The following SORCS1 variants were observed in gnomAD, a reference collection of about 807,000 sequenced individuals.
SORCS1 encodes the protein VPS10 domain-containing receptor SorCS1.
In SORCS1, 60 loss-of-function variants were observed where a neutral mutation model predicts 146.1. That is an observed-to-expected ratio of 0.41 (90% CI 0.33 to 0.51). SORCS1 has a LOEUF of 0.51. Ranked by LOEUF, SORCS1 falls within the 20% of genes least tolerant of loss-of-function variation. The pLI, the probability that SORCS1 is intolerant of heterozygous loss-of-function variation, is 0.21. For synonymous variants in SORCS1, 637 were observed against 584.0 expected (o/e 1.09, Z -1.31); for missense variants, 1,352 against 1,487.6 (o/e 0.91, Z 1.50).
At chr10:107,114,392 A>C (rs2134479944) in intron 1 of SORCS1, among the ~76,000 whole-genome samples, 1 of 152,328 alleles carries the variant, frequency 6.6e-6, no homozygotes, top group South Asian at 2.1e-4. Flanking sequence ...AATACTAGTG[A>C]AACAAACTCA....
At chr10:106,738,108 T>C (rs2756250) in intron 5 of SORCS1, among the ~76,000 whole-genome samples, 119,108 of 152,104 alleles carry the variant, frequency 0.78, 47,503 homozygotes, top group Non-Finnish European at 0.87. Context: ...TATACATAAA[T>C]GGGGAAGAAA....
At chr10:107,107,673 T>G (rs781694966) in intron 1 of SORCS1, among the ~76,000 whole-genome samples, 1 of 152,154 alleles carries the variant, frequency 6.6e-6, no homozygotes, top group Non-Finnish European at 1.5e-5. Flanking sequence ...TTGGATTAAT[T>G]TAGGAGGTTG....
At chr10:106,629,519 G>C (rs1158271374) in intron 18 of SORCS1, 131 bp from the exon 19 acceptor site, 3 of 809,574 alleles carry the variant, frequency 3.7e-6, no homozygotes, top group Non-Finnish European at 5.8e-6. Context: ...CCTACAGCTA[G>C]GAGCATCTGC....
intron 1 of SORCS1, among the ~76,000 whole-genome samples, chr10:106,993,577 A>G (rs1956862659): frequency 6.6e-6 from 1 of 152,182 alleles, no homozygotes; most frequent in Non-Finnish European, 1.5e-5. Context: ...TAAAAACTAG[A>G]TAGTATTTTA....
chr10:106,836,732 T>C (rs1327449595), intron 2 of SORCS1, among the ~76,000 whole-genome samples: 1 of 149,036 alleles, frequency 6.7e-6, no homozygotes, highest in African/African-American at 2.5e-5. Flanking sequence ...GAAAATTGAT[T>C]AAATAAAAAA....
At chr10:106,764,479 G>C (rs1859393707) in intron 4 of SORCS1, among the ~76,000 whole-genome samples, 1 of 152,174 alleles carries the variant, frequency 6.6e-6, no homozygotes, top group Non-Finnish European at 1.5e-5. Context: ...AAAATTCATA[G>C]TGTTGGCAGC....
rs367694375 is a variant in SORCS1, at chr10:107,001,221, T to C, written c.559-44641A>G. Reference sequence around the variant, plus strand: ...TGGAATTTAAGATGTGTGACAGGGATTGTTGTAAAGGGAATATGGTTATGT... The same window carrying C: ...TGGAATTTAAGATGTGTGACAGGGACTGTTGTAAAGGGAATATGGTTATGT... On this transcript the variant is annotated intron_variant, in intron 1 of 25. Transcript: ENST00000263054. Among the ~76,000 whole-genome samples the C allele has an allele frequency of 1.8e-4, 27 of 152,220 alleles. No individual in the cohort carries two copies. In the East Asian group the frequency reaches 5.2e-3, roughly 29 times the overall value.
At chr10:107,113,898 C>T (rs1160668133) in intron 1 of SORCS1, among the ~76,000 whole-genome samples, 1 of 151,558 alleles carries the variant, frequency 6.6e-6, no homozygotes, top group Non-Finnish European at 1.5e-5. Context: ...ATAGACAAAG[C>T]TTTAACTAGG....
At chr10:106,658,923 C>T (rs1850511251) in intron 17 of SORCS1, among the ~76,000 whole-genome samples, 1 of 152,166 alleles carries the variant, frequency 6.6e-6, no homozygotes, top group African/African-American at 2.4e-5. Context: ...AGGGATTATA[C>T]CAGACTTCCA....
intron 4 of SORCS1, among the ~76,000 whole-genome samples, chr10:106,771,375 T>C (rs1331769001): frequency 6.6e-6 from 1 of 152,238 alleles, no homozygotes; most frequent in Non-Finnish European, 1.5e-5. Flanking sequence ...ACTAGTTTAT[T>C]GCCAAATTGA....
chr10:106,768,025 A>C (rs1438477493), intron 4 of SORCS1, among the ~76,000 whole-genome samples: 4 of 152,136 alleles, frequency 2.6e-5, no homozygotes, highest in Non-Finnish European at 5.9e-5. Context: ...AAACTGTTCC[A>C]GGTAGCAATT....
chr10:106,638,911 C>T (rs1241781934), intron 18 of SORCS1, among the ~76,000 whole-genome samples: 3 of 152,192 alleles, frequency 2.0e-5, no homozygotes, highest in East Asian at 1.9e-4. Flanking sequence ...TCCTAATTGT[C>T]ACTTCCAAGT....
intron 24 of SORCS1, among the ~76,000 whole-genome samples, chr10:106,584,287 C>T (rs996241054): frequency 3.9e-5 from 6 of 152,158 alleles, no homozygotes; most frequent in Admixed American, 3.3e-4. Context: ...ATCCAATCAT[C>T]AGAGTCTTAA....
At chr10:106,664,519 G>A (rs941707055) in intron 17 of SORCS1, among the ~76,000 whole-genome samples, 1 of 152,126 alleles carries the variant, frequency 6.6e-6, no homozygotes, top group Non-Finnish European at 1.5e-5. Context: ...GCGGGTGCCT[G>A]TAGTCCCAGC....
chr10:106,701,349 T>C (rs1854125342), intron 8 of SORCS1, among the ~76,000 whole-genome samples: 2 of 152,168 alleles, frequency 1.3e-5, no homozygotes, highest in African/African-American at 2.4e-5. Flanking sequence ...AATGAGCTTT[T>C]AGAACCGGCT....
intron 1 of SORCS1, among the ~76,000 whole-genome samples, chr10:107,158,002 A>C: frequency 6.6e-6 from 1 of 152,220 alleles, no homozygotes; most frequent in East Asian, 1.9e-4. Context: ...TTTTACATAC[A>C]TTTAGTGGCT....
chr10:107,115,605 G>A (rs1424085238), intron 1 of SORCS1, among the ~76,000 whole-genome samples: 2 of 151,910 alleles, frequency 1.3e-5, no homozygotes, highest in Non-Finnish European at 2.9e-5. Flanking sequence ...ACTCAAAATG[G>A]ATTAAAAACT....
In SORCS1 at chr10:106,578,609, C is replaced by T. The variant is rs545523596; in HGVS notation, c.3371+760G>A. ...TCCCTGGAGGATCAGGCTGGCCACT[C>T]TCATTATGTCACTTCTCTACTGGTG... On this transcript the variant is annotated intron_variant, in intron 25 of 25. Coordinates refer to ENST00000263054, the MANE Select transcript of SORCS1 (RefSeq NM_052918.5). The T allele has an allele frequency of 9.3e-6, 9 of 972,208 alleles. No individual in the cohort carries two copies. In the African/African-American group the frequency reaches 1.4e-4, roughly 15 times the overall value. 60.2% of individuals were successfully genotyped at this position (972,208 alleles called of 1,614,324 possible).
intron 1 of SORCS1, among the ~76,000 whole-genome samples, chr10:107,091,251 T>C (rs1190361706): frequency 6.6e-6 from 1 of 152,232 alleles, no homozygotes; most frequent in East Asian, 1.9e-4. Flanking sequence ...CCTTCCCTGA[T>C]AAATCCCATA....
Sources: gnomAD v4.1 joint callset for allele counts (sites outside exome capture counted in the v4.1 genomes callset) on GRCh38, gnomAD v4.1.1 for gene constraint, MANE v1.5 for transcripts, NCBI Gene and HGNC (gene_info 2026-07-23, HGNC 2026-07-21) for gene names.